KLHL35: variants seen among roughly 807,000 people sequenced by gnomAD.
KLHL35 encodes kelch-like protein 35.
Under a neutral mutation model 44.0 loss-of-function variants are expected in KLHL35, and 50 were observed. The ratio of observed to expected loss-of-function variants is 1.14; its 90% confidence interval spans 0.91 to 1.44. The LOEUF (loss-of-function observed/expected upper bound fraction) is 1.44. Ranked by LOEUF, KLHL35 falls within the 40% of genes most tolerant of loss-of-function variation. The pLI is 0.00. For missense variants in KLHL35, 1,049 were observed against 887.8 expected, an observed-to-expected ratio of 1.18 and a Z score of -2.31; for synonymous variants, 470 against 410.4, an observed-to-expected ratio of 1.15 and a Z score of -1.76.
chr11:75,430,167 TG>T lies in KLHL35; in HGVS notation c.462del (p.Asn154LysfsTer3). 1 of 1,238,306 alleles carries T rather than the reference TG, an allele frequency of 8.1e-7. No individual in the cohort carries two copies. The highest frequency in any genetic ancestry group is 2.8e-5 in the South Asian group (1 of 36,334). The allele number at this position is 1,238,306 out of a possible 1,614,324, so 76.7% of individuals were successfully genotyped here. ...GCGGCCACGCGGCGCAGCGCTAGGC[TG>T]TTGGCGGCGCGCAGGCGGCCCTCGA... Reference protein sequence around the residue: ...RFLEGRLRAANSLALRRVAAA... With the variant: ...RFLEGRLRAAXSLALRRVAAA... On this transcript the variant is annotated frameshift_variant, in exon 2 of 7. Transcript: ENST00000539798. LOFTEE classifies it high-confidence loss of function.
chr11:75,427,654 G>A (rs1464664242), intron 3 of KLHL35, among the ~76,000 whole-genome samples: 2 of 152,134 alleles, frequency 1.3e-5, no homozygotes, highest in Admixed American at 6.5e-5. Context: ...AATCCACCTA[G>A]CCCCAGACTC....
chr11:75,430,070 C>G lies in KLHL35; in HGVS notation c.560G>C (p.Arg187Pro), dbSNP rs748175101. The change falls in exon 2 of 7, where the codon CGC becomes CCC. Residue 187 changes from arginine to proline, a missense_variant. Arg to Pro is a moderately radical substitution (Grantham distance 103). Coordinates refer to ENST00000539798, the MANE Select transcript of KLHL35 (RefSeq NM_001039548.3). Reference sequence around the variant, plus strand: ...CGCCAGCTCCAGGAAGTCGGCGTGGCGCGCCACCTCGGCGAAGGCCTGACG... The same window carrying G: ...CGCCAGCTCCAGGAAGTCGGCGTGGGGCGCCACCTCGGCGAAGGCCTGACG... The part of the protein sequence containing the change: ...VLRQAFAEVA[R>P]HADFLELAPD... 81 of 1,390,678 alleles carry G rather than the reference C, an allele frequency of 5.8e-5. 1 individual carries two copies. The South Asian group carries it at 1.1e-3, about 18-fold the overall frequency. The allele number at this position is 1,390,678 out of a possible 1,614,324, so 86.1% of individuals were successfully genotyped here.
At chr11:75,422,994 C>T in intron 6 of KLHL35, 1 of 549,472 alleles carries the variant, frequency 1.8e-6, no homozygotes, top group Non-Finnish European at 3.2e-6. Flanking sequence ...TCAGTTTCCT[C>T]ATCGGCAAAG....
intron 6 of KLHL35, chr11:75,423,373 G>A (rs1446163667): frequency 3.4e-6 from 1 of 298,332 alleles, no homozygotes; most frequent in Non-Finnish European, 6.3e-6. Flanking sequence ...CTCATGATTG[G>A]TTACTAGCAG....
At position 75,430,575 on chromosome 11, in the gene KLHL35, C is replaced by A; in HGVS notation, c.55G>T (p.Ala19Ser). 1 of 1,449,506 alleles carries A rather than the reference C, an allele frequency of 6.9e-7. No homozygotes were observed. Among genetic ancestry groups the A allele is most frequent in the Non-Finnish European group, 9.0e-7 (1 of 1,106,650 alleles). The allele number at this position is 1,449,506 out of a possible 1,614,324, so 89.8% of individuals were successfully genotyped here. The change falls in exon 2 of 7, where the codon GCG becomes TCG. Residue 19 changes from alanine (A) to serine (S), a missense_variant. Coordinates refer to ENST00000539798, the MANE Select transcript of KLHL35 (RefSeq NM_001039548.3). ...ESEPGCEAPC[A>S]GPCHAQRVLQ... ...ACGCGCTGCGCGTGGCACGGACCCG[C>A]GCACGGCGCTTCGCAGCCCGGCTCC...
At chr11:75,425,927 A>T in intron 4 of KLHL35, 1 of 267,644 alleles carries the variant, frequency 3.7e-6, no homozygotes, top group Non-Finnish European at 7.0e-6. Context: ...TTGTTTCTGA[A>T]TTCGGGATGT....
intron 5 of KLHL35, 120 bp downstream of exon 5, chr11:75,425,273 G>A: frequency 8.9e-7 from 1 of 1,119,126 alleles, no homozygotes; most frequent in Non-Finnish European, 1.2e-6. Flanking sequence ...GACTGGTCTG[G>A]GCTGTTGATG....
At chr11:75,428,861 A>G (rs1039261712) in intron 2 of KLHL35, among the ~76,000 whole-genome samples, 2 of 151,706 alleles carry the variant, frequency 1.3e-5, no homozygotes, top group African/African-American at 2.4e-5. Context: ...TAAACTACAG[A>G]AAAAAAAATC....
rs950984111 is a variant in KLHL35, at chr11:75,430,341, C to T, written c.289G>A (p.Ala97Thr). Residue 97 changes from alanine to threonine, a missense_variant, in exon 2 of 7, where the codon GCC (alanine) becomes ACC (threonine). Coordinates refer to ENST00000539798, the MANE Select transcript of KLHL35 (RefSeq NM_001039548.3). ...ACGGCCAGCGCCGCCGCCGCCCCGG[C>T]CGGGCTCGTGCCTGGCGCCTCGGGA... ...VAPEAPGTSP[A>T]GAAAALAVVL... 4 of 1,296,468 alleles carry T rather than the reference C, an allele frequency of 3.1e-6. No homozygotes were observed. Among genetic ancestry groups the T allele is most frequent in the South Asian group, 4.0e-5 (2 of 50,404 alleles). 80.3% of individuals were successfully genotyped at this position (1,296,468 alleles called of 1,614,324 possible). A position where few individuals can be genotyped will look rare whatever the true frequency, so the allele number is the denominator to read the frequency against.
intron 3 of KLHL35, chr11:75,426,850 G>A: frequency 2.2e-6 from 1 of 447,522 alleles, no homozygotes; most frequent in Admixed American, 3.7e-5. Context: ...GAGGGGAGAA[G>A]CCTGACACAT....
Position 75,430,191 on chromosome 11 carries a change from C to A in KLHL35, c.439G>T (p.Glu147Ter). 3 of 1,241,786 alleles carry A rather than the reference C, an allele frequency of 2.4e-6. No homozygotes were observed. The highest frequency in any genetic ancestry group is 3.0e-6 in the Non-Finnish European group (3 of 990,046). 76.9% of individuals were successfully genotyped at this position (1,241,786 alleles called of 1,614,324 possible). A position where few individuals can be genotyped will look rare whatever the true frequency, so the allele number is the denominator to read the frequency against. The change falls in exon 2 of 7, where the codon GAG becomes TAG. Residue 147 changes from glutamate (E) to a stop codon, truncating the protein, a stop_gained. Coordinates refer to ENST00000539798, the MANE Select transcript of KLHL35 (RefSeq NM_001039548.3). LOFTEE classifies it high-confidence loss of function. ...CTGTTGGCGGCGCGCAGGCGGCCCT[C>A]GAGAAAGCGCACGCAGGCCTCGCGC... ...GLREACVRFLEGRLRAANSLA... is the reference protein window; with the variant it reads ...GLREACVRFL
intron 1 of KLHL35, among the ~76,000 whole-genome samples, chr11:75,431,989 C>T (rs1415988423): frequency 1.3e-5 from 2 of 152,214 alleles, no homozygotes; most frequent in East Asian, 3.8e-4. Context: ...ACACACAGGA[C>T]ACCCGCCCTT....
chr11:75,423,194 G>T (rs1948464976), intron 6 of KLHL35: 1 of 208,752 alleles, frequency 4.8e-6, no homozygotes, highest in Admixed American at 5.2e-5. Flanking sequence ...GGTCAGAACT[G>T]GCAGAGACCT....
chr11:75,425,149 T>G (rs1315329335), intron 5 of KLHL35, among the ~76,000 whole-genome samples: 1 of 152,240 alleles, frequency 6.6e-6, no homozygotes, highest in Non-Finnish European at 1.5e-5. Context: ...ATTTTTAAAA[T>G]GTATGAAACT....
intron 3 of KLHL35, among the ~76,000 whole-genome samples, chr11:75,427,893 T>G (rs149504623): frequency 5.1e-4 from 78 of 152,322 alleles, no homozygotes; most frequent in Non-Finnish European, 9.8e-4. Flanking sequence ...CTGATCACAT[T>G]CTGCCTGGCA....
intron 3 of KLHL35, among the ~76,000 whole-genome samples, chr11:75,428,084 C>G (rs919313762): frequency 1.3e-5 from 2 of 152,188 alleles, no homozygotes; most frequent in African/African-American, 4.8e-5. Context: ...TGAGCCTCTC[C>G]GAGCCTTTCT....
chr11:75,426,456 C>A (rs1375661718), intron 4 of KLHL35, 64 bp downstream of exon 4: 10 of 1,163,106 alleles, frequency 8.6e-6, no homozygotes, highest in Non-Finnish European at 1.2e-5. Flanking sequence ...TAGAGAACCT[C>A]CCTCCAGCAC....
rs1294281446 is a variant in KLHL35 at position 75,428,829 on chromosome 11, C to T, written c.882-203G>A. Among the ~76,000 whole-genome samples, 4 of 151,820 alleles carry T rather than the reference C, an allele frequency of 2.6e-5. No individual in the cohort carries two copies. The East Asian group carries it at 7.8e-4, about 30-fold the overall frequency. On this transcript the variant is annotated intron_variant, in intron 2 of 6. Coordinates refer to ENST00000539798, the MANE Select transcript of KLHL35 (RefSeq NM_001039548.3). ...GGTACTGGGAAGAGAATCGCTAATG[C>T]TTACCGCATTCTGCTGACCTCTAAA...
Position 75,422,488 on chromosome 11 carries a change from G to A in KLHL35, c.*92C>T. 1 of 1,164,526 alleles carries A rather than the reference G, an allele frequency of 8.6e-7. No homozygotes were observed. Among genetic ancestry groups the A allele is most frequent in the Non-Finnish European group, 1.2e-6 (1 of 810,120 alleles). The allele number at this position is 1,164,526 out of a possible 1,614,324, so 72.1% of individuals were successfully genotyped here. On this transcript the variant is annotated 3_prime_UTR_variant, in exon 7 of 7. Coordinates refer to ENST00000539798, the MANE Select transcript of KLHL35 (RefSeq NM_001039548.3). ...AAGAAAAGGGACCATTAAGTTAAGGGCTGTTTGCGTGGAGGTGCCATGAGG... is the reference window on the plus strand; with the variant it reads ...AAGAAAAGGGACCATTAAGTTAAGGACTGTTTGCGTGGAGGTGCCATGAGG...
Sources: allele counts gnomAD v4.1 joint callset (sites outside exome capture counted in the v4.1 genomes callset), GRCh38; gene constraint gnomAD v4.1.1; transcripts MANE v1.5; gene names NCBI Gene and HGNC (gene_info 2026-07-23, HGNC 2026-07-21).